Variants in INPP5A observed in about 807,000 individuals in gnomAD.
The protein encoded by INPP5A is 43 kDa inositol polyphosphate 5-phophatase.
In INPP5A, 14 loss-of-function variants were observed where a neutral mutation model predicts 65.2. The observed-to-expected ratio is 0.21, with a 90% confidence interval of 0.14 to 0.34. INPP5A has a LOEUF of 0.34. INPP5A is among the 10% of genes least tolerant of loss of function. The probability of loss-of-function intolerance (pLI) is 1.00; values close to 1 mark genes in which losing one functional copy is unlikely to be tolerated. For missense variants in INPP5A, 431 were observed against 545.6 expected (o/e 0.79, Z 2.09); for synonymous variants, 207 against 208.3 (o/e 0.99, Z 0.05).
At chr10:132,574,524 C>T (rs1450196045) in intron 1 of INPP5A, among the ~76,000 whole-genome samples, 1 of 151,212 alleles carries the variant, frequency 6.6e-6, no homozygotes, top group Non-Finnish European at 1.5e-5. Flanking sequence ...TGAGGGCCGG[C>T]CTTGTTTCTG....
intron 9 of INPP5A, among the ~76,000 whole-genome samples, chr10:132,728,421 G>T (rs1167040874): frequency 6.6e-6 from 1 of 152,238 alleles, no homozygotes; most frequent in Non-Finnish European, 1.5e-5. Flanking sequence ...CCATGTCCCC[G>T]CGTCCGAGGC....
chr10:132,635,983 C>CAAAAAA (rs202003054), intron 2 of INPP5A, among the ~76,000 whole-genome samples: 45 of 49,222 alleles, frequency 9.1e-4, no homozygotes, highest in African/African-American at 1.8e-3. Flanking sequence ...ATCTCAAAGA[C>CAAAAAA]AAAAAAAAAA....
At chr10:132,583,897 C>T (rs1464213319) in intron 1 of INPP5A, among the ~76,000 whole-genome samples, 3 of 152,074 alleles carry the variant, frequency 2.0e-5, no homozygotes, top group Non-Finnish European at 2.9e-5. Flanking sequence ...GCCTGGGCAA[C>T]GTGGTAAAAC....
At chr10:132,682,882 G>A (rs537715782) in intron 4 of INPP5A, among the ~76,000 whole-genome samples, 92 of 147,648 alleles carry the variant, frequency 6.2e-4, no homozygotes, top group South Asian at 2.4e-3. Flanking sequence ...ATGCACGCAC[G>A]TTTAATCTGT....
chr10:132,751,110 C>T (rs1050047976), intron 11 of INPP5A, among the ~76,000 whole-genome samples: 34 of 152,310 alleles, frequency 2.2e-4, no homozygotes, highest in Non-Finnish European at 2.8e-4. Context: ...GGATGGCATT[C>T]GCTGCCTCCC....
intron 1 of INPP5A, among the ~76,000 whole-genome samples, chr10:132,579,918 GTTTTTTT>G (rs35846779): frequency 7.1e-6 from 1 of 141,742 alleles, no homozygotes; most frequent in African/African-American, 2.6e-5. Flanking sequence ...CTGTTTAAAA[GTTTTTTT>G]TTTTTTTGTA....
intron 1 of INPP5A, among the ~76,000 whole-genome samples, chr10:132,593,577 T>C (rs1345506939): frequency 6.6e-6 from 1 of 152,224 alleles, no homozygotes; most frequent in Admixed American, 6.5e-5. Flanking sequence ...GAAGGATGAT[T>C]TTGCTGTACA....
chr10:132,775,274 G>A (rs959560441), intron 12 of INPP5A, among the ~76,000 whole-genome samples: 4 of 151,712 alleles, frequency 2.6e-5, no homozygotes, highest in Non-Finnish European at 4.4e-5. Flanking sequence ...ACGATTGTTC[G>A]CCCTATCACA....
chr10:132,750,575 T>A (rs1422563044), intron 11 of INPP5A, among the ~76,000 whole-genome samples: 1 of 152,264 alleles, frequency 6.6e-6, no homozygotes, highest in East Asian at 1.9e-4. Context: ...TGTGGTCTAC[T>A]TTTGTCCCAT....
At chr10:132,618,195 T>A (rs749783641) in intron 2 of INPP5A, among the ~76,000 whole-genome samples, 1 of 152,216 alleles carries the variant, frequency 6.6e-6, no homozygotes, top group Non-Finnish European at 1.5e-5. Flanking sequence ...TGTTGTTTAT[T>A]TATCAGGGAG....
At chr10:132,767,473 G>A (rs921777511) in intron 12 of INPP5A, among the ~76,000 whole-genome samples, 3 of 152,216 alleles carry the variant, frequency 2.0e-5, no homozygotes, top group African/African-American at 4.8e-5. Context: ...CCAGAAGGCA[G>A]TGGTGGCCCA....
chr10:132,654,062 G>A (rs1031010217), intron 4 of INPP5A, among the ~76,000 whole-genome samples: 7 of 152,392 alleles, frequency 4.6e-5, no homozygotes, highest in East Asian at 3.9e-4. Flanking sequence ...AGAGGCAGCC[G>A]TGCTGTGTCT....
intron 1 of INPP5A, among the ~76,000 whole-genome samples, chr10:132,557,732 G>A (rs1010033192): frequency 1.3e-5 from 2 of 152,146 alleles, no homozygotes; most frequent in Non-Finnish European, 2.9e-5. Context: ...CGAGTGTCTC[G>A]GGCTGCAGGG....
intron 9 of INPP5A, among the ~76,000 whole-genome samples, chr10:132,742,967 G>GCCTGCC (rs1564994616): frequency 2.0e-5 from 3 of 152,338 alleles, no homozygotes; most frequent in East Asian, 3.9e-4. Flanking sequence ...GCCGGCCTGC[G>GCCTGCC]CCTGCCCCGC....
At chr10:132,639,645 C>T (rs1406649085) in intron 2 of INPP5A, among the ~76,000 whole-genome samples, 1 of 152,144 alleles carries the variant, frequency 6.6e-6, no homozygotes, top group Non-Finnish European at 1.5e-5. Flanking sequence ...ACATTTTGGC[C>T]GTTGTTTTTT....
intron 4 of INPP5A, among the ~76,000 whole-genome samples, chr10:132,661,669 G>A (rs879644779): frequency 1.3e-5 from 2 of 151,600 alleles, no homozygotes; most frequent in Non-Finnish European, 2.9e-5. Context: ...TTTTTTTTTG[G>A]TAGAAATTAA....
chr10:132,609,383 G>A (rs1014938176), intron 2 of INPP5A, among the ~76,000 whole-genome samples: 2 of 152,150 alleles, frequency 1.3e-5, no homozygotes, highest in Non-Finnish European at 2.9e-5. Flanking sequence ...CACGTCGGGG[G>A]CCAGTGGCGG....
rs1288089084 is a variant in INPP5A at position 132,754,342 on chromosome 10, G to A, written c.903+4497G>A. 2.6e-5 allele frequency among the ~76,000 whole-genome samples: 4 copies of A among 152,254 alleles called. No individual in the cohort carries two copies. In the East Asian group the frequency reaches 5.8e-4, roughly 22 times the overall value. On this transcript the variant is annotated intron_variant, in intron 11 of 15. Transcript: ENST00000368594. Reference sequence around the variant, plus strand: ...GAGCCCGTGTCCAATGAGGATGGAGGCAGGCCCAGGCCAGGACACCTCTGT... The same window carrying A: ...GAGCCCGTGTCCAATGAGGATGGAGACAGGCCCAGGCCAGGACACCTCTGT...
In INPP5A at chr10:132,555,436, G is replaced by A. The variant is rs867412795; in HGVS notation, c.75+17265G>A. Among the ~76,000 whole-genome samples, 5 of 152,216 alleles carry A rather than the reference G, an allele frequency of 3.3e-5. No individual in the cohort carries two copies. Among genetic ancestry groups the A allele is most frequent in the East Asian group, 1.9e-4 (1 of 5,160 alleles). ...GTTGCCTGGCCGGAAGGGGAAGAAG[G>A]GGGGCTTGGGCTGGGGCGTGGCCAC... On this transcript the variant is annotated intron_variant, in intron 1 of 15. Coordinates refer to ENST00000368594, the MANE Select transcript of INPP5A (RefSeq NM_005539.5). The surrounding 1 kb of genome is among the most constrained non-coding windows in gnomAD (Gnocchi z 4.4).
Sources: gnomAD v4.1 joint callset for allele counts (sites outside exome capture counted in the v4.1 genomes callset) on GRCh38, gnomAD v4.1.1 for gene constraint, Gnocchi (gnomAD v3.1) non-coding constraint, MANE v1.5 for transcripts, NCBI Gene and HGNC (gene_info 2026-07-23, HGNC 2026-07-21) for gene names.